The following DTD1 variants were observed in gnomAD, a reference collection of about 807,000 sequenced individuals.
DTD1 encodes D-aminoacyl-tRNA deacylase 1, also known as D-tyrosyl-tRNA deacylase 1 homolog.
Under a neutral mutation model 25.6 loss-of-function variants are expected in DTD1, and 13 were observed. That is an observed-to-expected ratio of 0.51 (90% confidence interval 0.33 to 0.81). DTD1 has a LOEUF of 0.81. Ranked by LOEUF, DTD1 falls within the 30% of genes least tolerant of loss-of-function variation. The pLI is 0.02. For synonymous variants in DTD1, 110 were observed against 103.6 expected (o/e 1.06, Z -0.37); for missense variants, 193 against 266.4 (o/e 0.72, Z 1.92).
chr20:18,614,380 A>G (rs1056077378), intron 3 of DTD1, among the ~76,000 whole-genome samples: 1 of 152,170 alleles, frequency 6.6e-6, no homozygotes, highest in South Asian at 2.1e-4. Flanking sequence ...TGCATAGGAG[A>G]CAAGGTAGGG....
intron 4 of DTD1, among the ~76,000 whole-genome samples, chr20:18,648,889 G>A (rs1348518786): frequency 1.3e-5 from 2 of 150,516 alleles, no homozygotes; most frequent in Non-Finnish European, 1.5e-5. Context: ...CCAGCTACTC[G>A]GGAGGCTGAG....
At chr20:18,623,951 A>G (rs1192800536) in intron 3 of DTD1, among the ~76,000 whole-genome samples, 1 of 150,546 alleles carries the variant, frequency 6.6e-6, no homozygotes, top group Non-Finnish European at 1.5e-5. Context: ...ATGCTACTCC[A>G]GGGACTATGG....
In DTD1 at chr20:18,671,890, C is replaced by T. The variant is rs150348906; in HGVS notation, c.477+43657C>T. Among the ~76,000 whole-genome samples, 11 of 152,242 alleles carry T rather than the reference C, an allele frequency of 7.2e-5. 1 individual carries two copies. The South Asian group carries it at 1.7e-3, about 23-fold the overall frequency. On this transcript the variant is annotated intron_variant, in intron 4 of 5. Coordinates refer to ENST00000377452, the MANE Select transcript of DTD1 (RefSeq NM_080820.6). ...ACTTCTCCATTTACAGTCACCAGAA[C>T]GTTCAAGAGCAACCCAGATGTCAAA...
intron 4 of DTD1, among the ~76,000 whole-genome samples, chr20:18,694,997 A>C (rs1861726942): frequency 6.6e-6 from 1 of 152,132 alleles, no homozygotes; most frequent in Admixed American, 6.6e-5. Flanking sequence ...TATATGTGCC[A>C]ATAGATTCCC....
chr20:18,670,520 CAATTA>C (rs1568664007), intron 4 of DTD1, among the ~76,000 whole-genome samples: 1 of 152,210 alleles, frequency 6.6e-6, no homozygotes, highest in African/African-American at 2.4e-5. Context: ...TCTTGTTCTG[CAATTA>C]AATTATCAAC....
At chr20:18,698,684 CT>C (rs1420834301) in intron 4 of DTD1, 3 of 152,452 alleles carry the variant, frequency 2.0e-5, no homozygotes, top group Non-Finnish European at 4.4e-5. Flanking sequence ...CCATTCCCTC[CT>C]CCCGCTCCCT....
intron 4 of DTD1, among the ~76,000 whole-genome samples, chr20:18,640,059 T>C (rs1315784441): frequency 1.3e-5 from 2 of 152,084 alleles, no homozygotes; most frequent in Non-Finnish European, 2.9e-5. Flanking sequence ...GGATTTTTTT[T>C]TTTTTTTAAG....
intron 4 of DTD1, among the ~76,000 whole-genome samples, chr20:18,665,337 G>A (rs968381636): frequency 6.6e-6 from 1 of 152,192 alleles, no homozygotes; most frequent in Non-Finnish European, 1.5e-5. Flanking sequence ...ATGCCAGCAG[G>A]GCATCTGCCT....
At chr20:18,655,705 T>G (rs938048555) in intron 4 of DTD1, among the ~76,000 whole-genome samples, 4 of 152,314 alleles carry the variant, frequency 2.6e-5, no homozygotes, top group Middle Eastern at 3.4e-3. Context: ...CAGAGGGTAT[T>G]TCATTGAATG....
chr20:18,595,828 C>T (rs2060608709), intron 2 of DTD1, among the ~76,000 whole-genome samples, 178 bp from the exon 3 acceptor site: 1 of 152,124 alleles, frequency 6.6e-6, no homozygotes, highest in African/African-American at 2.4e-5. Flanking sequence ...TGTATCGCAG[C>T]TGAGGACACT....
intron 4 of DTD1, among the ~76,000 whole-genome samples, chr20:18,653,916 G>C (rs994329128): frequency 2.0e-5 from 3 of 152,214 alleles, no homozygotes; most frequent in African/African-American, 7.2e-5. Flanking sequence ...GAGGGGCATG[G>C]GGATGGCCTC....
intron 3 of DTD1, among the ~76,000 whole-genome samples, chr20:18,598,742 C>T (rs6075375): frequency 6.6e-6 from 1 of 151,508 alleles, no homozygotes; most frequent in East Asian, 1.9e-4. Context: ...ATCTCCTGAC[C>T]TCGTGATCTG....
At chr20:18,747,617 A>G (rs540821019) in intron 5 of DTD1, among the ~76,000 whole-genome samples, 4 of 152,334 alleles carry the variant, frequency 2.6e-5, no homozygotes, top group Admixed American at 2.0e-4. Flanking sequence ...GCAGCTTCCC[A>G]GCCTTAATGC....
chr20:18,665,071 T>A (rs1186357437), intron 4 of DTD1, among the ~76,000 whole-genome samples: 2 of 152,190 alleles, frequency 1.3e-5, no homozygotes, highest in South Asian at 2.1e-4. Flanking sequence ...TTTTATAATG[T>A]TTTTAGTGTG....
intron 4 of DTD1, among the ~76,000 whole-genome samples, chr20:18,687,733 G>T (rs1258995833): frequency 1.3e-5 from 2 of 151,856 alleles, no homozygotes; most frequent in Non-Finnish European, 2.9e-5. Flanking sequence ...TTGGAGAGAC[G>T]GGGTCTCACT....
chr20:18,593,447 G>A (rs1293433272), intron 1 of DTD1, among the ~76,000 whole-genome samples: 1 of 152,114 alleles, frequency 6.6e-6, no homozygotes, highest in Non-Finnish European at 1.5e-5. Flanking sequence ...AATTTTGGGT[G>A]TCTTACCCAA....
intron 4 of DTD1, among the ~76,000 whole-genome samples, chr20:18,704,496 A>G (rs919066619): frequency 6.6e-6 from 1 of 152,174 alleles, no homozygotes; most frequent in Non-Finnish European, 1.5e-5. Context: ...CAAATATGGG[A>G]GGGTAACCTC....
At chr20:18,758,351 T>C (rs2061347712) in intron 5 of DTD1, among the ~76,000 whole-genome samples, 1 of 152,242 alleles carries the variant, frequency 6.6e-6, no homozygotes, top group African/African-American at 2.4e-5. Context: ...CTAGTTCTTT[T>C]AATTGTGATG....
chr20:18,631,944 AT>A (rs1220448754), intron 4 of DTD1: 1 of 965,210 alleles, frequency 1.0e-6, no homozygotes, highest in African/African-American at 1.8e-5. Context: ...AGATGCAGTT[AT>A]TTTGGGTGAG....
Sources: gnomAD v4.1 joint callset for allele counts (sites outside exome capture counted in the v4.1 genomes callset) on GRCh38, gnomAD v4.1.1 for gene constraint, MANE v1.5 for transcripts, NCBI Gene and HGNC (gene_info 2026-07-23, HGNC 2026-07-21) for gene names.